Variants in USP35 observed in about 807,000 individuals in gnomAD.
USP35 encodes the protein ubiquitin carboxyl-terminal hydrolase 35.
A neutral mutation model predicts 83.8 loss-of-function variants in USP35; 69 were observed. The observed-to-expected ratio is 0.82, with a 90% CI of 0.68 to 1.01. The LOEUF (loss-of-function observed/expected upper bound fraction) is 1.01, where lower values mean the gene tolerates loss of function less well. USP35 is among the 50% of genes least tolerant of loss of function. The probability of loss-of-function intolerance (pLI) is 0.00; values close to 1 mark genes in which losing one functional copy is unlikely to be tolerated. For synonymous variants in USP35, 714 were observed against 589.5 expected, an observed-to-expected ratio of 1.21 and a Z score of -3.06; for missense variants, 1,503 against 1,362.5, an observed-to-expected ratio of 1.10 and a Z score of -1.62.
chr11:78,193,478 T>G (rs1863057256), intron 1 of USP35, among the ~76,000 whole-genome samples: 1 of 151,910 alleles, frequency 6.6e-6, no homozygotes, highest in Admixed American at 6.6e-5. Context: ...GTGCTAAGAT[T>G]ACAGACATGA....
downstream of USP35, chr11:78,219,501 G>A (rs1470470035): frequency 4.8e-6 from 6 of 1,249,930 alleles, no homozygotes; most frequent in Non-Finnish European, 5.8e-6. Flanking sequence ...ATCTTCCTGA[G>A]CTGTCTGAAG....
In USP35 at chr11:78,200,802, C is replaced by T. The variant is rs752431513; in HGVS notation, c.1191C>T (p.Ala397=). 5 of 1,605,418 alleles carry T rather than the reference C, an allele frequency of 3.1e-6. No individual in the cohort carries two copies. In the South Asian group the frequency reaches 3.3e-5, roughly 11 times the overall value. ...ATCTGTATGAGCCTGTCATGGAGGC[C>T]ATCAAGGTGAGCGACAGTCCCCTAC... ...FPDLYEPVME[A]IKDLHVPNED... is the part of the protein sequence containing the mutation. The change falls in exon 6 of 11, where the codon GCC becomes GCT. Residue 397 remains alanine (A), a synonymous_variant. Transcript: ENST00000529308.
chr11:78,217,922 CCTG>C (rs1035946962), downstream of USP35: 1 of 152,666 alleles, frequency 6.6e-6, no homozygotes, highest in Non-Finnish European at 1.5e-5. Context: ...ATCATTCTGC[CCTG>C]CTTTCTCCTT....
rs375326588 is a variant in USP35 at position 78,213,882 on chromosome 11, G to C, written c.*69G>C. 1.1e-5 allele frequency: 16 copies of C among 1,506,250 alleles called. No homozygotes were observed. The South Asian group carries it at 1.2e-4, about 11-fold the overall frequency. 93.3% of individuals were successfully genotyped at this position (1,506,250 alleles called of 1,614,324 possible). ...GTAGGGCCTGAGGGAAGCTGTGGAG[G>C]CAGGCCCTACCAAGAGGAAGGATGG... On this transcript the variant is annotated 3_prime_UTR_variant, in exon 11 of 11. Coordinates refer to ENST00000529308, the MANE Select transcript of USP35 (RefSeq NM_020798.4).
At chr11:78,212,817 TATC>T (rs763322803) in intron 10 of USP35, among the ~76,000 whole-genome samples, 155 of 152,224 alleles carry the variant, frequency 1.0e-3, no homozygotes, top group Admixed American at 2.2e-3. Context: ...CATGATTCTG[TATC>T]ATCTAGAAAA....
Position 78,205,988 on chromosome 11 carries a change from C to T in USP35, c.1344C>T (p.Asn448=). ...AGATTGGTCTCATCAACCTGGGCAA[C>T]ACATGCTATGTCAACAGCATCCTTC... ...TGKIGLINLG[N]TCYVNSILQA... is the part of the protein sequence containing the mutation. Residue 448 remains asparagine, a synonymous_variant, in exon 7 of 11, where the codon AAC becomes AAT. Transcript: ENST00000529308. 1 of 1,614,262 alleles carries T rather than the reference C, an allele frequency of 6.2e-7. No homozygotes were observed. Among genetic ancestry groups the T allele is most frequent in the East Asian group, 2.2e-5 (1 of 44,896 alleles).
At chr11:78,215,249 T>G (rs1037529840), downstream of USP35, 2 of 152,492 alleles carry the variant, frequency 1.3e-5, no homozygotes, top group African/African-American at 4.8e-5. Flanking sequence ...TGAGAACGGG[T>G]TCCACCACCA....
intron 3 of USP35, among the ~76,000 whole-genome samples, 167 bp downstream of exon 3, chr11:78,198,235 G>T (rs1357588720): frequency 1.3e-5 from 2 of 152,220 alleles, no homozygotes; most frequent in South Asian, 2.1e-4. Flanking sequence ...TCTGTGCCTT[G>T]CCTGGGGCTG....
the USP35 span, among the ~76,000 whole-genome samples, chr11:78,231,317 T>TGC: frequency 7.2e-3 from 1,039 of 143,794 alleles, 12 homozygotes; most frequent in African/African-American, 0.024. Context: ...TCTCCCTTGG[T>TGC]GCGCGCGCGC....
chr11:78,221,705 C>T, the USP35 span: 7 of 1,613,278 alleles, frequency 4.3e-6, no homozygotes, highest in Non-Finnish European at 5.9e-6. Flanking sequence ...TTCGCTGTCT[C>T]CTGAGTCTGT....
chr11:78,216,181 A>C (rs536442220), downstream of USP35: 3 of 152,548 alleles, frequency 2.0e-5, no homozygotes, highest in Non-Finnish European at 2.9e-5. Context: ...CAAGGACTTA[A>C]GGAGACACCA....
chr11:78,236,808 C>G, the USP35 span, among the ~76,000 whole-genome samples: 1 of 151,978 alleles, frequency 6.6e-6, no homozygotes, highest in Non-Finnish European at 1.5e-5. Context: ...ACCTTACACT[C>G]CTGGGATAAA....
chr11:78,193,591 T>C (rs989011294), intron 1 of USP35, among the ~76,000 whole-genome samples: 2 of 152,092 alleles, frequency 1.3e-5, no homozygotes, highest in Non-Finnish European at 2.9e-5. Context: ...GCCTCCCCCA[T>C]CTGACTGGAA....
intron 10 of USP35, among the ~76,000 whole-genome samples, chr11:78,211,840 C>A (rs545132117): frequency 6.6e-6 from 1 of 152,042 alleles, no homozygotes; most frequent in East Asian, 1.9e-4. Context: ...CTCTGGATAT[C>A]GGACTTAGGT....
At position 78,214,834 on chromosome 11, in the gene USP35, CTCTACTGAA is replaced by C. The variant is rs57755927; in HGVS notation, c.*1031_*1039del. The C allele has an allele frequency of 0.27, 40,479 of 151,876 alleles. 6,308 individuals are homozygous for C. Among genetic ancestry groups the C allele is most frequent in the African/African-American group, 0.42 (17,475 of 41,318 alleles). The allele number at this position is 151,876 out of a possible 1,614,324, so 9.4% of individuals were successfully genotyped here. On this transcript the variant is annotated 3_prime_UTR_variant, in exon 11 of 11. Transcript: ENST00000529308. ...GAGATGCCACAGGGAGCCAAGAGCC[CTCTACTGAA>C]TCTACTGAAGTGGGGTGTAAGTAAA...
chr11:78,209,046 C>T (rs1863631590), intron 9 of USP35, 83 bp downstream of exon 9: 11 of 1,382,480 alleles, frequency 8.0e-6, no homozygotes, highest in South Asian at 6.6e-5. Flanking sequence ...TGTGTTGCAG[C>T]GTCCAGGGAA....
Position 78,198,016 on chromosome 11 carries a change from C to T in USP35, c.754C>T (p.Leu252Phe), listed in dbSNP as rs1373766272. 6.2e-7 allele frequency: 1 copy of T among 1,614,116 alleles called. No individual in the cohort carries two copies. Among genetic ancestry groups the T allele is most frequent in the African/African-American group, 1.3e-5 (1 of 74,940 alleles). ...LELMDGVVRN[L>F]SNDDSVTDSQ... ...GCTCATGGATGGTGTTGTCCGGAACCTCAGCAATGATGACAGTGTGACAGA... is the reference window on the plus strand; with the variant it reads ...GCTCATGGATGGTGTTGTCCGGAACTTCAGCAATGATGACAGTGTGACAGA... Residue 252 changes from leucine to phenylalanine, a missense_variant, in exon 3 of 11, where the codon CTC becomes TTC. By Grantham distance (22) the Leu-to-Phe change is conservative. Transcript: ENST00000529308.
chr11:78,223,290 A>G, the USP35 span: 1 of 751,566 alleles, frequency 1.3e-6, no homozygotes, highest in East Asian at 2.9e-5. Context: ...ACTGAGACTC[A>G]GATTTTACAT....
At chr11:78,232,265 AT>A in the USP35 span, among the ~76,000 whole-genome samples, 4 of 152,280 alleles carry the variant, frequency 2.6e-5, no homozygotes, top group East Asian at 7.7e-4. Flanking sequence ...AGGGTCAGTG[AT>A]TCTGGAATCT....
Sources: gnomAD v4.1 joint callset for allele counts (sites outside exome capture counted in the v4.1 genomes callset) on GRCh38, gnomAD v4.1.1 for gene constraint, MANE v1.5 for transcripts, NCBI Gene and HGNC (gene_info 2026-07-23, HGNC 2026-07-21) for gene names.